Variants in CAMKK2 observed in about 807,000 individuals in gnomAD.
CAMKK2 encodes the protein calcium/calmodulin dependent protein kinase kinase 2, also known as calcium/calmodulin-dependent protein kinase kinase 2.
In CAMKK2, 30 loss-of-function variants were observed where a neutral mutation model predicts 67.2. The ratio of observed to expected loss-of-function variants is 0.45; its 90% CI spans 0.33 to 0.61. The LOEUF (loss-of-function observed/expected upper bound fraction) is 0.61. CAMKK2 is among the 20% of genes least tolerant of loss of function. CAMKK2 has a pLI of 0.02. For missense variants in CAMKK2, 643 were observed against 802.0 expected (o/e 0.80, Z 2.39); for synonymous variants, 322 against 326.2 (o/e 0.99, Z 0.14).
intron 1 of CAMKK2, among the ~76,000 whole-genome samples, chr12:121,278,842 T>C (rs894911326): frequency 6.6e-6 from 1 of 152,256 alleles, no homozygotes; most frequent in Non-Finnish European, 1.5e-5. Context: ...GTAGGTAGCC[T>C]ATGCTCTGGA....
At chr12:121,251,420 C>T (rs1052285189) in intron 11 of CAMKK2, among the ~76,000 whole-genome samples, 5 of 152,174 alleles carry the variant, frequency 3.3e-5, no homozygotes, top group Non-Finnish European at 7.3e-5. Context: ...AACTCCTTTA[C>T]TTCTTCATGG....
At position 121,274,589 on chromosome 12, in the gene CAMKK2, C is replaced by A. The variant is rs138447556; in HGVS notation, c.-59-4G>T. 1,551 of 1,214,212 alleles carry A rather than the reference C, an allele frequency of 1.3e-3. 16 individuals carry two copies. Among genetic ancestry groups the A allele is most frequent in the African/African-American group, 0.011 (748 of 66,164 alleles). The allele number at this position is 1,214,212 out of a possible 1,614,324, so 75.2% of individuals were successfully genotyped here. On this transcript the variant is annotated splice_polypyrimidine_tract_variant and splice_region_variant and intron_variant, in intron 1 of 16. Coordinates refer to ENST00000404169, the MANE Select transcript of CAMKK2 (RefSeq NM_001270485.2). The stretch of plus-strand genomic sequence containing the variant: ...TCCCATCCGGCAGCGGAGCCACCTG[C>A]AGAAAGAGAAAGGGTCAGCTGGCCC...
At chr12:121,257,010 C>T (rs536118855) in intron 7 of CAMKK2, among the ~76,000 whole-genome samples, 2 of 83,476 alleles carry the variant, frequency 2.4e-5, no homozygotes, top group African/African-American at 1.1e-4. Flanking sequence ...CAAGGCTGTA[C>T]TTTAGGAAGT....
At position 121,286,445 on chromosome 12, in the gene CAMKK2, C is replaced by A. The variant is rs563303722; in HGVS notation, c.-60+10193G>T. 7.9e-5 allele frequency among the ~76,000 whole-genome samples: 12 copies of A among 152,384 alleles called. No individual in the cohort carries two copies. In the South Asian group the frequency reaches 1.2e-3, roughly 16 times the overall value. ...AGATGCAGTGATACTAATGGTTAGC[C>A]TTCTTGAGTGCTTGGCACTCTTCTA... On this transcript the variant is annotated intron_variant, in intron 1 of 16. Coordinates refer to ENST00000404169, the MANE Select transcript of CAMKK2 (RefSeq NM_001270485.2).
intron 7 of CAMKK2, 149 bp from the exon 8 acceptor site, chr12:121,255,953 G>GTCCA (rs1452623552): frequency 5.3e-6 from 4 of 752,776 alleles, no homozygotes; most frequent in Non-Finnish European, 9.3e-6. Context: ...ACTGAACCAA[G>GTCCA]CTGGCCAAGG....
At chr12:121,273,565 C>A (rs1451482647) in intron 2 of CAMKK2, among the ~76,000 whole-genome samples, 1 of 152,074 alleles carries the variant, frequency 6.6e-6, no homozygotes, top group Admixed American at 6.6e-5. Flanking sequence ...CGTCGCCAGG[C>A]TCTCAGTGAC....
intron 5 of CAMKK2, among the ~76,000 whole-genome samples, chr12:121,267,022 C>CTTT (rs58762246): frequency 9.8e-5 from 3 of 30,766 alleles, no homozygotes; most frequent in Non-Finnish European, 1.6e-4. Context: ...GTGCTCTGGC[C>CTTT]TTTTTTTTTT....
chr12:121,245,459 C>T lies in CAMKK2; in HGVS notation c.1453-219G>A, dbSNP rs1213724622. Among the ~76,000 whole-genome samples the T allele has an allele frequency of 6.6e-6, 1 of 152,232 alleles. No individual in the cohort carries two copies. Among genetic ancestry groups the T allele is most frequent in the African/African-American group, 2.4e-5 (1 of 41,452 alleles). On this transcript the variant is annotated intron_variant, in intron 14 of 16. Coordinates refer to ENST00000404169, the MANE Select transcript of CAMKK2 (RefSeq NM_001270485.2). This position sits in a 1 kb window ranked among gnomAD's most constrained non-coding sequence, Gnocchi z 5.8. ...GTGCTGTCCTGCACCACACCCTCAG[C>T]CACTGCTCAGCGTCTCTCCCAGGCC...
At chr12:121,260,585 T>G in intron 6 of CAMKK2, 1 of 557,276 alleles carries the variant, frequency 1.8e-6, no homozygotes, top group Non-Finnish European at 3.1e-6. Flanking sequence ...CTCGAGGATC[T>G]GAACACTCAG....
chr12:121,243,722 C>G (rs202144670), intron 16 of CAMKK2: 39 of 368,888 alleles, frequency 1.1e-4, no homozygotes, highest in Non-Finnish European at 1.6e-4. Flanking sequence ...ATGAAAATGT[C>G]GTAAAGTTGA....
intron 9 of CAMKK2, among the ~76,000 whole-genome samples, 183 bp downstream of exon 9, chr12:121,255,367 T>TTTATATATAA (rs1892014463): frequency 1.3e-4 from 3 of 23,224 alleles, no homozygotes; most frequent in Non-Finnish European, 2.2e-4. Context: ...TATATATAAT[T>TTTATATATAA]TTATATATAT....
intron 3 of CAMKK2, 120 bp from the exon 4 acceptor site, chr12:121,269,701 T>C: frequency 1.3e-6 from 1 of 745,890 alleles, no homozygotes; most frequent in Non-Finnish European, 2.3e-6. Flanking sequence ...GCAACTGTAT[T>C]TTGTTGGAGC....
chr12:121,240,839 G>T lies in CAMKK2; in HGVS notation c.1627C>A (p.His543Asn), dbSNP rs1888238040. 3 of 1,612,440 alleles carry T rather than the reference G, an allele frequency of 1.9e-6. No individual in the cohort carries two copies. The highest frequency in any genetic ancestry group is 3.3e-5 in the Admixed American group (2 of 59,946). The change falls in exon 17 of 17, where the codon CAC (histidine) becomes AAC (asparagine). Residue 543 changes from histidine to asparagine, a missense_variant. Transcript: ENST00000404169. This position sits in a 1 kb window ranked among gnomAD's most constrained non-coding sequence, Gnocchi z 4.4. ...CCTCCCCCACGGGGGGCGGGTCGGT[G>T]CCCTGGAGGTTGTCTTCGCTGCCTT... ...EARQRRQPPG[H>N]RPAPRGGGGS...
Position 121,293,614 on chromosome 12 carries a change from G to A in CAMKK2, c.-60+3024C>T, listed in dbSNP as rs777525928. 2.0e-5 allele frequency among the ~76,000 whole-genome samples: 3 copies of A among 151,920 alleles called. No homozygotes were observed. The East Asian group carries it at 5.8e-4, about 29-fold the overall frequency. ...CCTGGTCCTCTCCCCTGAGAGTGGT[G>A]TCTGGCCACTCATCTTCCATCTAGG... On this transcript the variant is annotated intron_variant, in intron 1 of 16. Coordinates refer to ENST00000404169, the MANE Select transcript of CAMKK2 (RefSeq NM_001270485.2).
chr12:121,252,502 T>TCTGGTGATCTGC lies in CAMKK2; in HGVS notation c.1161+158_1161+159insGCAGATCACCAG, dbSNP rs71079043. Among the ~76,000 whole-genome samples, 7 of 151,718 alleles carry TCTGGTGATCTGC rather than the reference T, an allele frequency of 4.6e-5. No homozygotes were observed. The East Asian group carries it at 5.8e-4, about 13-fold the overall frequency. ...CCAAGCTGGTCTCCAACTCCTAACC[T>TCTGGTGATCTGC]CTGCCTCAGCCTCCCAAAGTGCTGG... On this transcript the variant is annotated intron_variant, in intron 11 of 16. Transcript: ENST00000404169.
rs1891800215 is a variant in CAMKK2 at position 121,255,278 on chromosome 12, T to TTA, written c.907+270_907+271dup. Among the ~76,000 whole-genome samples, 35 of 64,494 alleles carry TTA rather than the reference T, an allele frequency of 5.4e-4. 2 individuals are homozygous for TTA. Among genetic ancestry groups the TTA allele is most frequent in the African/African-American group, 1.1e-3 (17 of 15,058 alleles). The allele number at this position is 64,494 out of a possible 152,430, so 42.3% of individuals were successfully genotyped here. On this transcript the variant is annotated intron_variant, in intron 9 of 16. Coordinates refer to ENST00000404169, the MANE Select transcript of CAMKK2 (RefSeq NM_001270485.2). ...TATATATAATTTTATATATATATAA[T>TTA]TATATATATAATTATATATATAATT...
At chr12:121,280,556 T>A (rs2136516083) in intron 1 of CAMKK2, among the ~76,000 whole-genome samples, 1 of 152,304 alleles carries the variant, frequency 6.6e-6, no homozygotes, top group South Asian at 2.1e-4. Context: ...CAGAGCCATA[T>A]TTCTCTTCTT....
chr12:121,263,830 G>A lies in CAMKK2; in HGVS notation c.735C>T (p.His245=), dbSNP rs570947909. 23 of 1,612,164 alleles carry A rather than the reference G, an allele frequency of 1.4e-5. No homozygotes were observed. The East Asian group carries it at 2.5e-4, about 17-fold the overall frequency. Residue 245 remains histidine (H), a synonymous_variant, in exon 6 of 17, where the codon CAC becomes CAT. Coordinates refer to ENST00000404169, the MANE Select transcript of CAMKK2 (RefSeq NM_001270485.2). ...CCTCCACCAGCTTCACCACATTGGG[G>A]TGGTCCAGCTTCTTGAGGATGGCAA... The part of the protein sequence containing the change: ...QEIAILKKLD[H]PNVVKLVEVL...
At chr12:121,243,858 G>A in intron 16 of CAMKK2, 1 of 1,346,620 alleles carries the variant, frequency 7.4e-7, no homozygotes, top group Non-Finnish European at 9.6e-7. Context: ...GTGACTGCCT[G>A]GAGCTCCCAC....
Sources: allele counts gnomAD v4.1 joint callset (sites outside exome capture counted in the v4.1 genomes callset), GRCh38; gene constraint gnomAD v4.1.1; non-coding constraint Gnocchi (gnomAD v3.1); transcripts MANE v1.5; gene names NCBI Gene and HGNC (gene_info 2026-07-23, HGNC 2026-07-21).